The following ZNF624 variants were observed in gnomAD, a reference collection of about 807,000 sequenced individuals.
ZNF624 encodes zinc finger protein 624.
ZNF624 carries 43 observed loss-of-function variants against 74.7 expected under a neutral mutation model. That is an observed-to-expected ratio of 0.58 (90% CI 0.45 to 0.74). ZNF624 has a LOEUF of 0.74. Ranked by LOEUF, ZNF624 falls within the 30% of genes least tolerant of loss-of-function variation. The pLI, the probability that ZNF624 is intolerant of heterozygous loss-of-function variation, is 0.00. For missense variants in ZNF624, 820 were observed against 1,030.0 expected (o/e 0.80, Z 2.79); for synonymous variants, 331 against 341.3 (o/e 0.97, Z 0.33).
chr17:16,634,903 T>G, intron 3 of ZNF624, 147 bp from the exon 4 acceptor site: 1 of 643,372 alleles, frequency 1.6e-6, no homozygotes, highest in Non-Finnish European at 2.5e-6. Flanking sequence ...ATAGGATGTA[T>G]AAATCTCTCC....
chr17:16,616,138 CT>C (rs57071853), downstream of ZNF624, among the ~76,000 whole-genome samples: 45,961 of 144,578 alleles, frequency 0.32, 7,395 homozygotes, highest in East Asian at 0.53. Flanking sequence ...TAGTAACTTC[CT>C]TTTTTTTTTT....
At chr17:16,640,664 A>G (rs1909446073) in intron 3 of ZNF624, among the ~76,000 whole-genome samples, 1 of 152,218 alleles carries the variant, frequency 6.6e-6, no homozygotes, top group South Asian at 2.1e-4. Flanking sequence ...ACAAATTCGT[A>G]GAAAGGCATT....
At chr17:16,617,636 G>C, downstream of ZNF624, 1 of 1,607,804 alleles carries the variant, frequency 6.2e-7, no homozygotes. Flanking sequence ...GGCGGCTTCC[G>C]TAGCTGTAGC....
chr17:16,643,650 T>C (rs1026042710), intron 3 of ZNF624, among the ~76,000 whole-genome samples: 1 of 152,234 alleles, frequency 6.6e-6, no homozygotes, highest in Non-Finnish European at 1.5e-5. Context: ...ATGTATACTT[T>C]ATGAATTTTA....
At chr17:16,618,684 G>A (rs200311802), downstream of ZNF624, among the ~76,000 whole-genome samples, 44 of 137,982 alleles carry the variant, frequency 3.2e-4, no homozygotes, top group African/African-American at 1.1e-3. Flanking sequence ...ACCCCTCGTC[G>A]TCTTCCACCT....
intron 1 of ZNF624, among the ~76,000 whole-genome samples, chr17:16,653,096 G>C (rs1334058598): frequency 6.6e-6 from 1 of 152,130 alleles, no homozygotes; most frequent in Non-Finnish European, 1.5e-5. Context: ...AATAATGAAG[G>C]GTCCATGTTT....
intron 2 of ZNF624, 27 bp from the exon 3 acceptor site, chr17:16,647,421 C>G: frequency 1.2e-6 from 2 of 1,603,796 alleles, no homozygotes. Context: ...TAAGATCATT[C>G]AGTGATAGGC....
intron 1 of ZNF624, among the ~76,000 whole-genome samples, chr17:16,650,799 A>T (rs183979815): frequency 6.6e-5 from 10 of 152,302 alleles, no homozygotes; most frequent in Non-Finnish European, 1.0e-4. Flanking sequence ...TGGTCCTGCA[A>T]GTAGGGCCTT....
rs756275952 is a variant in ZNF624 at position 16,622,375 on chromosome 17, T to C, written c.2511A>G (p.Lys837=). Residue 837 remains lysine, a synonymous_variant, in exon 6 of 6, where the codon AAA becomes AAG. Coordinates refer to ENST00000311331, the MANE Select transcript of ZNF624 (RefSeq NM_020787.4). ...TGAAGGCTTTTCCACATTCATTACA[T>C]TTATAGGGTTTTTCTCCAGTATGCA... ...LRMHTGEKPY[K]CNECGKAFRS... 6.2e-7 allele frequency: 1 copy of C among 1,613,376 alleles called. No homozygotes were observed. The highest frequency in any genetic ancestry group is 8.5e-7 in the Non-Finnish European group (1 of 1,179,746).
chr17:16,617,719 G>C, downstream of ZNF624: 1 of 1,603,800 alleles, frequency 6.2e-7, no homozygotes. Context: ...TCGCTGTTCA[G>C]CTCGTAAAGG....
At chr17:16,633,437 AT>A (rs1909250768) in intron 5 of ZNF624, among the ~76,000 whole-genome samples, 1 of 152,250 alleles carries the variant, frequency 6.6e-6, no homozygotes, top group Non-Finnish European at 1.5e-5. Context: ...AGAAAACTAA[AT>A]AATGAGTAAA....
At chr17:16,631,943 A>G (rs1372499225) in intron 5 of ZNF624, among the ~76,000 whole-genome samples, 1 of 152,216 alleles carries the variant, frequency 6.6e-6, no homozygotes, top group Non-Finnish European at 1.5e-5. Flanking sequence ...AACAAAAAGA[A>G]AAAGGAAATA....
chr17:16,625,161 G>A (rs1909040230), intron 5 of ZNF624, among the ~76,000 whole-genome samples: 1 of 151,974 alleles, frequency 6.6e-6, no homozygotes, highest in African/African-American at 2.4e-5. Flanking sequence ...CCAGACTTTA[G>A]TCCCCAATCA....
At chr17:16,615,956 CATATAT>C (rs56321425), downstream of ZNF624, among the ~76,000 whole-genome samples, 813 of 90,156 alleles carry the variant, frequency 9.0e-3, 13 homozygotes, top group East Asian at 0.037. Context: ...ATTCCATATA[CATATAT>C]ATATATATAT....
At chr17:16,648,896 C>CTT (rs908585914) in intron 2 of ZNF624, among the ~76,000 whole-genome samples, 4 of 152,316 alleles carry the variant, frequency 2.6e-5, no homozygotes, top group African/African-American at 7.2e-5. Flanking sequence ...AAGCCTTGCC[C>CTT]TTAAACCCGT....
At chr17:16,652,069 T>C (rs1909738710) in intron 1 of ZNF624, among the ~76,000 whole-genome samples, 1 of 152,134 alleles carries the variant, frequency 6.6e-6, no homozygotes, top group Non-Finnish European at 1.5e-5. Flanking sequence ...ATGGGTATAA[T>C]GTACGTTATT....
At chr17:16,625,307 G>A (rs773072943) in intron 5 of ZNF624, among the ~76,000 whole-genome samples, 8 of 151,930 alleles carry the variant, frequency 5.3e-5, no homozygotes, top group South Asian at 4.1e-4. Context: ...TCAGCCTTCC[G>A]AGTAGCCGGG....
At chr17:16,628,842 A>C (rs566810025) in intron 5 of ZNF624, among the ~76,000 whole-genome samples, 1 of 152,262 alleles carries the variant, frequency 6.6e-6, no homozygotes, top group South Asian at 2.1e-4. Context: ...AATATGAAGA[A>C]AACTATATTA....
chr17:16,647,433 G>T, intron 2 of ZNF624, 39 bp from the exon 3 acceptor site: 1 of 1,577,642 alleles, frequency 6.3e-7, no homozygotes, highest in Non-Finnish European at 8.7e-7. Flanking sequence ...GTGATAGGCT[G>T]CCTATGACTT....
Sources: allele counts gnomAD v4.1 joint callset (sites outside exome capture counted in the v4.1 genomes callset), GRCh38; gene constraint gnomAD v4.1.1; transcripts MANE v1.5; gene names NCBI Gene and HGNC (gene_info 2026-07-23, HGNC 2026-07-21).